The following SYT14 variants were observed in gnomAD, a reference collection of about 807,000 sequenced individuals.
SYT14 encodes synaptotagmin 14.
A neutral mutation model predicts 74.2 loss-of-function variants in SYT14; 32 were observed. The ratio of observed to expected loss-of-function variants is 0.43; its 90% CI spans 0.33 to 0.58. The LOEUF is 0.58. SYT14 is among the 20% of genes least tolerant of loss of function. SYT14 has a pLI of 0.05. For synonymous variants in SYT14, 298 were observed against 337.7 expected (o/e 0.88, Z 1.29); for missense variants, 791 against 981.8 (o/e 0.81, Z 2.60).
exon 5 of SYT14, chr1:210,021,052 G>A (rs1339297100): frequency 6.2e-7 from 1 of 1,613,744 alleles, no homozygotes; most frequent in Non-Finnish European, 8.5e-7. Flanking sequence ...ATTCCTACAT[G>A]GACAAAGATG....
chr1:210,017,037 C>T, exon 4 of SYT14: 1 of 1,231,742 alleles, frequency 8.1e-7, no homozygotes, highest in Non-Finnish European at 1.0e-6. Flanking sequence ...GAGGCCATTT[C>T]TGCCAAGAAA....
intron 7 of SYT14, among the ~76,000 whole-genome samples, chr1:210,115,625 G>A (rs141635071): frequency 1.1e-4 from 16 of 151,408 alleles, no homozygotes; most frequent in Non-Finnish European, 1.6e-4. Context: ...GAAGGATGGC[G>A]GCAAGGTTGA....
At chr1:210,127,895 C>CG (rs2082598948) in intron 7 of SYT14, among the ~76,000 whole-genome samples, 1 of 151,930 alleles carries the variant, frequency 6.6e-6, no homozygotes, top group Non-Finnish European at 1.5e-5. Flanking sequence ...GGCATGGGGG[C>CG]GGGCGCCTGT....
chr1:210,035,181 C>T (rs1311663044), intron 5 of SYT14, among the ~76,000 whole-genome samples: 1 of 151,452 alleles, frequency 6.6e-6, no homozygotes, highest in Non-Finnish European at 1.5e-5. Context: ...GTGTCATATG[C>T]TTGTTGGCCA....
intron 5 of SYT14, among the ~76,000 whole-genome samples, chr1:210,050,508 T>C (rs1190250490): frequency 6.6e-6 from 1 of 152,148 alleles, no homozygotes; most frequent in East Asian, 1.9e-4. Flanking sequence ...GCTTCCACAT[T>C]TTTGGTTATC....
At chr1:210,147,026 A>G (rs913940206) in intron 7 of SYT14, among the ~76,000 whole-genome samples, 2 of 152,100 alleles carry the variant, frequency 1.3e-5, no homozygotes, top group Non-Finnish European at 2.9e-5. Context: ...AAGTATGAGC[A>G]GGAAGAATTG....
At chr1:210,076,312 G>A (rs1335128672) in intron 5 of SYT14, among the ~76,000 whole-genome samples, 3 of 152,072 alleles carry the variant, frequency 2.0e-5, no homozygotes, top group African/African-American at 4.8e-5. Flanking sequence ...GATATGAGCA[G>A]TATCATATCA....
At chr1:210,056,993 C>T (rs916777941) in intron 5 of SYT14, among the ~76,000 whole-genome samples, 9 of 151,984 alleles carry the variant, frequency 5.9e-5, no homozygotes, top group Admixed American at 3.9e-4. Context: ...TACAGGCGCA[C>T]ACCACCACAC....
intron 1 of SYT14, among the ~76,000 whole-genome samples, chr1:209,946,011 A>T (rs538878375): frequency 1.4e-4 from 21 of 152,246 alleles, no homozygotes; most frequent in Non-Finnish European, 2.6e-4. Flanking sequence ...TATATTTGTT[A>T]TGATGATCTG....
chr1:210,127,349 G>C (rs568290614), intron 7 of SYT14, among the ~76,000 whole-genome samples: 4 of 152,160 alleles, frequency 2.6e-5, no homozygotes, highest in Non-Finnish European at 4.4e-5. Flanking sequence ...GGACTTTGGC[G>C]GGGGAGGTGA....
intron 7 of SYT14, among the ~76,000 whole-genome samples, chr1:210,107,161 C>T (rs756988688): frequency 6.6e-6 from 1 of 152,252 alleles, no homozygotes. Context: ...GATGGGCTCC[C>T]ACAGCCTTGG....
At chr1:210,150,481 T>C (rs1241349233) in intron 7 of SYT14, among the ~76,000 whole-genome samples, 1 of 152,192 alleles carries the variant, frequency 6.6e-6, no homozygotes, top group Non-Finnish European at 1.5e-5. Flanking sequence ...TTGCCTCTGG[T>C]GATCTCCTCC....
intron 5 of SYT14, among the ~76,000 whole-genome samples, chr1:210,027,797 G>A (rs896537883): frequency 2.6e-5 from 4 of 151,926 alleles, no homozygotes; most frequent in Admixed American, 2.6e-4. Flanking sequence ...TTGGTGTTTT[G>A]GAGATCTTTT....
intron 2 of SYT14, among the ~76,000 whole-genome samples, chr1:209,959,305 G>C (rs1012518441): frequency 4.6e-5 from 7 of 152,028 alleles, no homozygotes; most frequent in African/African-American, 1.7e-4. Flanking sequence ...ACCACACCCA[G>C]CTAATTTTTT....
intron 7 of SYT14, among the ~76,000 whole-genome samples, chr1:210,128,504 A>G (rs1243924934): frequency 6.6e-6 from 1 of 152,214 alleles, no homozygotes; most frequent in Non-Finnish European, 1.5e-5. Context: ...TTCTTTTAAT[A>G]AGAACTTAGA....
chr1:209,973,850 C>T (rs1430667837), intron 2 of SYT14, among the ~76,000 whole-genome samples: 2 of 152,188 alleles, frequency 1.3e-5, no homozygotes, highest in Admixed American at 6.5e-5. Flanking sequence ...GTTCCTATTT[C>T]TCCACATCCT....
chr1:209,993,795 C>A (rs1185438298), intron 2 of SYT14, among the ~76,000 whole-genome samples: 1 of 152,156 alleles, frequency 6.6e-6, no homozygotes, highest in Non-Finnish European at 1.5e-5. Flanking sequence ...GCAGTGCACA[C>A]CTGTGAAAGT....
rs773631288 is a variant in SYT14 at position 210,024,923 on chromosome 1, A to G, written c.1312+3669A>G. 5.5e-4 allele frequency among the ~76,000 whole-genome samples: 83 copies of G among 150,984 alleles called. 1 individual carries two copies. The highest frequency in any genetic ancestry group is 3.4e-3 in the Middle Eastern group (1 of 294). ...ATAATTCAGATAAACCCCTTTGTCC[A>G]GTAGAAGTTGAGCAATCATTTTCAA... On this transcript the variant is annotated intron_variant, in intron 5 of 9. Coordinates refer to ENST00000637265, the Ensembl canonical transcript of SYT14.
chr1:210,140,040 T>G (rs1327849965), intron 7 of SYT14, among the ~76,000 whole-genome samples: 3 of 152,152 alleles, frequency 2.0e-5, no homozygotes, highest in Non-Finnish European at 4.4e-5. Context: ...TGCCAAACAG[T>G]TTTTCAAAGT....
Sources: allele counts gnomAD v4.1 joint callset (sites outside exome capture counted in the v4.1 genomes callset), GRCh38; gene constraint gnomAD v4.1.1; transcripts MANE v1.5; gene names NCBI Gene and HGNC (gene_info 2026-07-23, HGNC 2026-07-21).